Variants in TLE3 observed in about 807,000 individuals in gnomAD.
TLE3 encodes the protein TLE family member 3, transcriptional corepressor.
In TLE3, 14 loss-of-function variants were observed where a neutral mutation model predicts 93.0. The ratio of observed to expected loss-of-function variants is 0.15; its 90% CI spans 0.10 to 0.24. TLE3 has a LOEUF of 0.24. TLE3 is among the 10% of genes least tolerant of loss of function. TLE3 has a pLI of 1.00. For synonymous variants in TLE3, 451 were observed against 425.0 expected, an observed-to-expected ratio of 1.06 and a Z score of -0.75; for missense variants, 693 against 1,046.6, an observed-to-expected ratio of 0.66 and a Z score of 4.66.
intron 4 of TLE3, chr15:70,079,283 C>T (rs1026691235): frequency 2.2e-6 from 1 of 453,286 alleles, no homozygotes; most frequent in East Asian, 7.5e-5. Flanking sequence ...GCTGTCTTTC[C>T]TGAGGCCCAT....
Position 70,053,383 on chromosome 15 carries a change from G to C in TLE3, c.1827-9C>G. The C allele has an allele frequency of 2.5e-6, 4 of 1,594,076 alleles. No homozygotes were observed. Among genetic ancestry groups the C allele is most frequent in the Non-Finnish European group, 3.4e-6 (4 of 1,166,066 alleles). ...TGTGGCCCTGGAACTGCCTACGAAA[G>C]CCAAGCAGGGAGGAGGGTGAGTCCC... On this transcript the variant is annotated splice_polypyrimidine_tract_variant and intron_variant, in intron 16 of 19. Transcript: ENST00000451782.
chr15:70,050,277 T>G (rs565852407), intron 19 of TLE3, 73 bp from the exon 20 acceptor site: 3 of 1,179,188 alleles, frequency 2.5e-6, no homozygotes, highest in Non-Finnish European at 3.8e-6. Flanking sequence ...GAATTCATTT[T>G]CCAGTGCTCA....
chr15:70,066,476 C>A (rs1014817732), intron 6 of TLE3: 8 of 403,444 alleles, frequency 2.0e-5, no homozygotes, highest in African/African-American at 1.2e-4. Context: ...CCCCGTTTCA[C>A]AAATAATTTC....
chr15:70,055,822 G>A (rs1211872044), intron 14 of TLE3: 2 of 234,390 alleles, frequency 8.5e-6, no homozygotes, highest in South Asian at 5.7e-5. Flanking sequence ...GCAGTGTCTC[G>A]GCATTATCTG....
At chr15:70,068,558 T>C (rs557366076) in intron 6 of TLE3, among the ~76,000 whole-genome samples, 187 of 152,296 alleles carry the variant, frequency 1.2e-3, no homozygotes, top group African/African-American at 4.4e-3. Flanking sequence ...CCACATTTTA[T>C]AGTGCAGAGC....
chr15:70,077,596 CA>C (rs1488126382), intron 4 of TLE3, among the ~76,000 whole-genome samples: 2 of 152,248 alleles, frequency 1.3e-5, no homozygotes, highest in Non-Finnish European at 2.9e-5. Flanking sequence ...TGTGGAAAGG[CA>C]GGCCATCAAC....
chr15:70,086,618 G>T (rs768707174), intron 4 of TLE3, among the ~76,000 whole-genome samples: 10 of 152,108 alleles, frequency 6.6e-5, no homozygotes, highest in Non-Finnish European at 1.3e-4. Flanking sequence ...CAGCGCAAAC[G>T]AAAAAGAAAC....
intron 9 of TLE3, 98 bp from the exon 10 acceptor site, chr15:70,059,558 T>A: frequency 4.0e-6 from 5 of 1,241,298 alleles, no homozygotes; most frequent in Non-Finnish European, 3.4e-6. Flanking sequence ...GGCCAGGACC[T>A]GAAGCCAGGC....
chr15:70,084,519 C>T (rs572691330), intron 4 of TLE3, among the ~76,000 whole-genome samples: 2 of 152,284 alleles, frequency 1.3e-5, no homozygotes, highest in African/African-American at 4.8e-5. Flanking sequence ...GGAACTGATG[C>T]CTGTAGTATG....
intron 14 of TLE3, chr15:70,055,537 C>T: frequency 2.2e-6 from 1 of 447,022 alleles, no homozygotes; most frequent in Non-Finnish European, 3.8e-6. Flanking sequence ...TCAAATCAGA[C>T]CAGAAACCCA....
intron 12 of TLE3, 178 bp downstream of exon 12, chr15:70,057,981 G>A (rs2056194920): frequency 1.9e-6 from 2 of 1,039,032 alleles, no homozygotes; most frequent in South Asian, 1.7e-5. Context: ...GGCCCAGCAG[G>A]GGTCCCAGAA....
At chr15:70,057,939 G>A (rs2056191786) in intron 12 of TLE3, 2 of 809,048 alleles carry the variant, frequency 2.5e-6, no homozygotes, top group Non-Finnish European at 3.8e-6. Context: ...GATTTTGGGA[G>A]CCCTGACCCG....
At chr15:70,095,522 G>T in intron 3 of TLE3, 56 bp downstream of exon 3, 1 of 1,546,570 alleles carries the variant, frequency 6.5e-7, no homozygotes, top group East Asian at 2.5e-5. Flanking sequence ...TCCACGCCGC[G>T]CCCCCGGCCG....
intron 19 of TLE3, chr15:70,050,608 GA>G: frequency 6.1e-6 from 1 of 164,104 alleles, no homozygotes; most frequent in Non-Finnish European, 1.3e-5. Flanking sequence ...GATGAGTTAG[GA>G]AAAGGATTGC....
intron 4 of TLE3, among the ~76,000 whole-genome samples, chr15:70,092,024 G>A (rs1045815820): frequency 3.4e-5 from 5 of 145,904 alleles, no homozygotes; most frequent in Non-Finnish European, 6.0e-5. Flanking sequence ...CCAGGCAGAT[G>A]TAATCACACG....
At chr15:70,060,998 G>A (rs1444047949) in intron 8 of TLE3, among the ~76,000 whole-genome samples, 2 of 152,162 alleles carry the variant, frequency 1.3e-5, no homozygotes, top group Non-Finnish European at 2.9e-5. Context: ...CACCCATCTC[G>A]CGCTTGCCAC....
In TLE3 at chr15:70,058,574, AC is replaced by A; in HGVS notation, c.918+88del. On this transcript the variant is annotated intron_variant, in intron 11 of 19. Coordinates refer to ENST00000451782, the MANE Select transcript of TLE3 (RefSeq NM_001105192.3). This position sits in a 1 kb window ranked among gnomAD's most constrained non-coding sequence, Gnocchi z 4.1. Reference sequence around the variant, plus strand: ...GCCAATCACCCACCCAGCTTCTCCCACTCCACCCCTCTGCCTGCCAATCGGC... The same window carrying A: ...GCCAATCACCCACCCAGCTTCTCCCATCCACCCCTCTGCCTGCCAATCGGC... 6.8e-7 allele frequency: 1 copy of A among 1,472,422 alleles called. No individual in the cohort carries two copies. The highest frequency in any genetic ancestry group is 9.0e-7 in the Non-Finnish European group (1 of 1,110,106). 91.2% of individuals were successfully genotyped at this position (1,472,422 alleles called of 1,614,324 possible). A position where few individuals can be genotyped will look rare whatever the true frequency, so the allele number is the denominator to read the frequency against.
chr15:70,073,749 T>G (rs2057301748), intron 6 of TLE3, among the ~76,000 whole-genome samples: 2 of 152,224 alleles, frequency 1.3e-5, no homozygotes, highest in South Asian at 4.1e-4. Context: ...CTAAAAAGAC[T>G]CTTCTTCCTC....
Position 70,048,361 on chromosome 15 carries a change from C to T in TLE3, c.*1736G>A, listed in dbSNP as rs1307402550. 1 of 152,198 alleles carries T rather than the reference C, an allele frequency of 6.6e-6. No individual in the cohort carries two copies. The highest frequency in any genetic ancestry group is 6.5e-5 in the Admixed American group (1 of 15,278). 9.4% of individuals were successfully genotyped at this position (152,198 alleles called of 1,614,324 possible). ...GATGGACATCTGAGACCCAGAGAGA[C>T]TCTGGACGCCCCACGCGCCCAGCCT... On this transcript the variant is annotated 3_prime_UTR_variant, in exon 20 of 20. Coordinates refer to ENST00000451782, the MANE Select transcript of TLE3 (RefSeq NM_001105192.3).
Sources: allele counts gnomAD v4.1 joint callset (sites outside exome capture counted in the v4.1 genomes callset), GRCh38; gene constraint gnomAD v4.1.1; non-coding constraint Gnocchi (gnomAD v3.1); transcripts MANE v1.5; gene names NCBI Gene and HGNC (gene_info 2026-07-23, HGNC 2026-07-21).